Variants in CDH4 observed in about 807,000 individuals in gnomAD.
The protein encoded by CDH4 is cadherin 4.
In CDH4, 33 loss-of-function variants were observed where a neutral mutation model predicts 86.0. That is an observed-to-expected ratio of 0.38 (90% CI 0.29 to 0.51). CDH4 has a LOEUF of 0.51. Ranked by LOEUF, CDH4 falls within the 20% of genes least tolerant of loss-of-function variation. The pLI, the probability that CDH4 is intolerant of heterozygous loss-of-function variation, is 0.86. For missense variants in CDH4, 1,114 were observed against 1,307.4 expected (o/e 0.85, Z 2.28); for synonymous variants, 555 against 549.4 (o/e 1.01, Z -0.14).
At chr20:61,654,701 TAATC>T (rs2087167835) in intron 2 of CDH4, among the ~76,000 whole-genome samples, 2 of 152,252 alleles carry the variant, frequency 1.3e-5, no homozygotes, top group East Asian at 3.8e-4. Context: ...GAAATTAAGT[TAATC>T]AAAGCAGGAT....
intron 2 of CDH4, among the ~76,000 whole-genome samples, chr20:61,495,919 AAAAAG>A (rs2085658742): frequency 6.6e-6 from 1 of 151,038 alleles, no homozygotes; most frequent in African/African-American, 2.4e-5. Context: ...AAAAAAAAAA[AAAAAG>A]AGTCTAGTGC....
chr20:61,670,706 CA>C (rs1433799528), intron 2 of CDH4, among the ~76,000 whole-genome samples: 2 of 152,210 alleles, frequency 1.3e-5, no homozygotes, highest in Non-Finnish European at 2.9e-5. Flanking sequence ...TGAGGATTCC[CA>C]TGACTTCTGT....
chr20:61,565,650 C>A (rs1164860508), intron 2 of CDH4, among the ~76,000 whole-genome samples: 1 of 152,114 alleles, frequency 6.6e-6, no homozygotes, highest in African/African-American at 2.4e-5. Context: ...CATGCAGTTG[C>A]AGCTGGGGCC....
At chr20:61,263,811 G>A (rs1233480055) in intron 2 of CDH4, among the ~76,000 whole-genome samples, 1 of 152,052 alleles carries the variant, frequency 6.6e-6, no homozygotes, top group Non-Finnish European at 1.5e-5. Context: ...CTGTCTCCTT[G>A]TGCCTCCCAG....
At chr20:61,862,498 C>G (rs982680715) in intron 6 of CDH4, among the ~76,000 whole-genome samples, 1 of 152,226 alleles carries the variant, frequency 6.6e-6, no homozygotes, top group African/African-American at 2.4e-5. Flanking sequence ...AGATGTCTGC[C>G]AGGCCCACTG....
intron 2 of CDH4, among the ~76,000 whole-genome samples, chr20:61,616,008 G>A (rs577481879): frequency 6.2e-4 from 95 of 152,338 alleles, no homozygotes; most frequent in Non-Finnish European, 1.2e-3. Flanking sequence ...GATGAGGGAC[G>A]TGGCTGCTGA....
intron 2 of CDH4, among the ~76,000 whole-genome samples, chr20:61,307,564 C>A (rs2084424012): frequency 6.6e-6 from 1 of 152,254 alleles, no homozygotes; most frequent in African/African-American, 2.4e-5. Flanking sequence ...TTGAACCTAG[C>A]TGGGCAGGCT....
intron 15 of CDH4, 142 bp from the exon 16 acceptor site, chr20:61,936,595 T>C (rs1485587949): frequency 3.6e-6 from 2 of 549,408 alleles, no homozygotes; most frequent in African/African-American, 4.0e-5. Flanking sequence ...TTCAGTTAAA[T>C]GCAGAGAGCC....
chr20:61,542,923 G>A (rs537078008), intron 2 of CDH4, among the ~76,000 whole-genome samples: 101 of 152,372 alleles, frequency 6.6e-4, no homozygotes, highest in African/African-American at 2.4e-3. Context: ...GAAGCCGACA[G>A]TGCAGCCTTC....
At chr20:61,542,258 C>T (rs537810486) in intron 2 of CDH4, among the ~76,000 whole-genome samples, 2 of 152,310 alleles carry the variant, frequency 1.3e-5, no homozygotes, top group African/African-American at 2.4e-5. Flanking sequence ...AAACAGTGTG[C>T]AGTGCTGACC....
chr20:61,567,269 AGTCT>A (rs1378341547), intron 2 of CDH4, among the ~76,000 whole-genome samples: 1 of 152,208 alleles, frequency 6.6e-6, no homozygotes, highest in Non-Finnish European at 1.5e-5. Flanking sequence ...AAGTTACCTT[AGTCT>A]ATTTAGGCTG....
intron 2 of CDH4, among the ~76,000 whole-genome samples, chr20:61,409,403 A>G (rs1048219794): frequency 2.6e-5 from 4 of 152,270 alleles, no homozygotes; most frequent in African/African-American, 9.6e-5. Context: ...TTTCAAGAAC[A>G]GACCAACTCA....
Position 61,405,207 on chromosome 20 carries a change from A to G in CDH4, c.169+150270A>G, listed in dbSNP as rs139129645. Among the ~76,000 whole-genome samples, 165 of 151,606 alleles carry G rather than the reference A, an allele frequency of 1.1e-3. 1 individual carries two copies. Among genetic ancestry groups the G allele is most frequent in the Middle Eastern group, 3.4e-3 (1 of 294 alleles). The stretch of plus-strand genomic sequence containing the variant: ...CCTCCCTCCCCGGGATGCGCTGCGT[A>G]TCTGTGTCCCTCAGCAGAAGCCATG... On this transcript the variant is annotated intron_variant, in intron 2 of 15. Transcript: ENST00000614565.
At chr20:61,924,009 C>G (rs1600779290) in intron 10 of CDH4, among the ~76,000 whole-genome samples, 1 of 152,370 alleles carries the variant, frequency 6.6e-6, no homozygotes, top group East Asian at 1.9e-4. Flanking sequence ...CTCCTGCCCT[C>G]TCTGCTCCTC....
At chr20:61,278,771 C>T (rs1460227441) in intron 2 of CDH4, among the ~76,000 whole-genome samples, 2 of 152,252 alleles carry the variant, frequency 1.3e-5, no homozygotes, top group African/African-American at 2.4e-5. Flanking sequence ...TCCCCCTCCC[C>T]AGTCTGTGGG....
chr20:61,258,707 C>T (rs777107862), intron 2 of CDH4, among the ~76,000 whole-genome samples: 7 of 152,238 alleles, frequency 4.6e-5, no homozygotes, highest in African/African-American at 1.7e-4. Context: ...ACAAGGGACA[C>T]GGTCATGTGC....
intron 2 of CDH4, among the ~76,000 whole-genome samples, chr20:61,514,530 C>A (rs2085804475): frequency 6.6e-6 from 1 of 152,182 alleles, no homozygotes; most frequent in Non-Finnish European, 1.5e-5. Flanking sequence ...TACTCATTTA[C>A]TTCTCAGGGC....
intron 2 of CDH4, among the ~76,000 whole-genome samples, chr20:61,418,407 T>G (rs1445366755): frequency 6.6e-6 from 1 of 151,984 alleles, no homozygotes; most frequent in Non-Finnish European, 1.5e-5. Context: ...GAGACGGGAT[T>G]TCACCATGTT....
chr20:61,588,560 G>A (rs1001374708), intron 2 of CDH4, among the ~76,000 whole-genome samples: 1 of 152,184 alleles, frequency 6.6e-6, no homozygotes, highest in Admixed American at 6.5e-5. Flanking sequence ...CCCCGCTGAG[G>A]GGAAACGTAG....
Sources: allele counts gnomAD v4.1 joint callset (sites outside exome capture counted in the v4.1 genomes callset), GRCh38; gene constraint gnomAD v4.1.1; transcripts MANE v1.5; gene names NCBI Gene and HGNC (gene_info 2026-07-23, HGNC 2026-07-21).